CA12: variants seen among roughly 807,000 people sequenced by gnomAD.
CA12 encodes carbonic anhydrase 12, also known as carbonate dehydratase XII.
Under a neutral mutation model 46.8 loss-of-function variants are expected in CA12, and 36 were observed. The ratio of observed to expected loss-of-function variants is 0.77; its 90% CI spans 0.59 to 1.02. The LOEUF is 1.02. Ranked by LOEUF, CA12 falls within the 50% of genes least tolerant of loss-of-function variation. The probability of loss-of-function intolerance (pLI) is 0.00; values close to 1 mark genes in which losing one functional copy is unlikely to be tolerated. For missense variants in CA12, 436 were observed against 451.4 expected, an observed-to-expected ratio of 0.97 and a Z score of 0.31; for synonymous variants, 202 against 187.0, an observed-to-expected ratio of 1.08 and a Z score of -0.65.
Position 63,331,123 on chromosome 15 carries a change from T to C in CA12, c.875-2993A>G, listed in dbSNP as rs2038932881. Among the ~76,000 whole-genome samples, 1 of 152,208 alleles carries C rather than the reference T, an allele frequency of 6.6e-6. No homozygotes were observed. Among genetic ancestry groups the C allele is most frequent in the African/African-American group, 2.4e-5 (1 of 41,454 alleles). On this transcript the variant is annotated intron_variant, in intron 8 of 10. Coordinates refer to ENST00000178638, the MANE Select transcript of CA12 (RefSeq NM_001218.5). This position sits in a 1 kb window ranked among gnomAD's most constrained non-coding sequence, Gnocchi z 5.3. ...CCAATCGAGACAGCACCAACCATCA[T>C]GGAGGCTCAGCTTCTTTGCAGAAAT...
chr15:63,352,589 A>G (rs547902118), intron 2 of CA12, among the ~76,000 whole-genome samples: 1 of 152,332 alleles, frequency 6.6e-6, no homozygotes, highest in South Asian at 2.1e-4. Flanking sequence ...TGCTCACTGC[A>G]GGCAGCTTCC....
Position 63,372,883 on chromosome 15 carries a change from T to C in CA12, c.106+2775A>G, listed in dbSNP as rs887082961. 5.3e-5 allele frequency among the ~76,000 whole-genome samples: 8 copies of C among 152,230 alleles called. No homozygotes were observed. The highest frequency in any genetic ancestry group is 1.9e-4 in the African/African-American group (8 of 41,464). ...CTTGCCTTTGTGCTTACCCCATGCA[T>C]GTCCATGCATCATTAGACTCTGCCC... On this transcript the variant is annotated intron_variant, in intron 2 of 10. Coordinates refer to ENST00000178638, the MANE Select transcript of CA12 (RefSeq NM_001218.5). The surrounding 1 kb of genome is among the most constrained non-coding windows in gnomAD (Gnocchi z 4.5).
In CA12 at chr15:63,340,770, T is replaced by A. The variant is rs1188056887; in HGVS notation, c.539A>T (p.Asn180Ile). The change falls in exon 6 of 11, where the codon AAT becomes ATT. Residue 180 changes from asparagine to isoleucine, a missense_variant. Asn to Ile is a moderately radical substitution (Grantham distance 149, BLOSUM62 -3). Transcript: ENST00000178638. This position sits in a 1 kb window ranked among gnomAD's most constrained non-coding sequence, Gnocchi z 4.4. ...LAVLIEMGSF[N>I]PSYDKIFSHL... is the part of the protein sequence containing the mutation. ...ACTGAAGATCTTGTCATAGGACGGA[T>A]TGAAGGAGCCCATCTGCAACAGAGA... is the stretch of plus-strand genomic sequence containing the variant. 1.2e-6 allele frequency: 2 copies of A among 1,614,146 alleles called. No individual in the cohort carries two copies. Among genetic ancestry groups the A allele is most frequent in the Non-Finnish European group, 1.7e-6 (2 of 1,180,004 alleles).
chr15:63,360,157 C>G (rs2039343398), intron 2 of CA12, among the ~76,000 whole-genome samples: 1 of 152,182 alleles, frequency 6.6e-6, no homozygotes, highest in African/African-American at 2.4e-5. Context: ...GTTTAATACT[C>G]ACAGCAGTAG....
Position 63,381,741 on chromosome 15 carries a change from C to A in CA12, c.-21G>T. On this transcript the variant is annotated 5_prime_UTR_variant, in exon 1 of 11. Coordinates refer to ENST00000178638, the MANE Select transcript of CA12 (RefSeq NM_001218.5). ...GGCATCTTCGCGGGCTCCTGCGGGG[C>A]GGGCGCGGGCTGTGCCGGGGGCTCC... 6.5e-7 allele frequency: 1 copy of A among 1,546,616 alleles called. No individual in the cohort carries two copies. The highest frequency in any genetic ancestry group is 8.7e-7 in the Non-Finnish European group (1 of 1,143,788).
chr15:63,322,583 T>G lies in CA12; in HGVS notation c.*3702A>C, dbSNP rs1295680293. 6.6e-6 allele frequency: 1 copy of G among 152,250 alleles called. No homozygotes were observed. Among genetic ancestry groups the G allele is most frequent in the Non-Finnish European group, 1.5e-5 (1 of 68,066 alleles). 9.4% of individuals were successfully genotyped at this position (152,250 alleles called of 1,614,324 possible). On this transcript the variant is annotated 3_prime_UTR_variant, in exon 11 of 11. Coordinates refer to ENST00000178638, the MANE Select transcript of CA12 (RefSeq NM_001218.5). The surrounding 1 kb of genome is among the most constrained non-coding windows in gnomAD (Gnocchi z 4.1). ...TGAGTTCCCTCTGCCGACCTATGGC[T>G]CTCACTGCTATGCCTCCCTGATCAT...
rs1423441002 is a variant in CA12 at position 63,341,034 on chromosome 15, G to T, written c.526-251C>A. On this transcript the variant is annotated intron_variant, in intron 5 of 10. Transcript: ENST00000178638. This position sits in a 1 kb window ranked among gnomAD's most constrained non-coding sequence, Gnocchi z 5.2. ...TGAATGTCCTGGGGCATAGGGTACC[G>T]TGTGTGCTCTTGATGATCCAGATAT... 6.6e-6 allele frequency among the ~76,000 whole-genome samples: 1 copy of T among 152,298 alleles called. No homozygotes were observed. Among genetic ancestry groups the T allele is most frequent in the African/African-American group, 2.4e-5 (1 of 41,564 alleles).
At chr15:63,367,459 G>C (rs2039450381) in intron 2 of CA12, among the ~76,000 whole-genome samples, 1 of 152,170 alleles carries the variant, frequency 6.6e-6, no homozygotes, top group South Asian at 2.1e-4. Context: ...CCCTGGGAAG[G>C]CACCAGGCCC....
intron 8 of CA12, among the ~76,000 whole-genome samples, chr15:63,334,093 C>T (rs771627956): frequency 1.3e-5 from 2 of 152,114 alleles, no homozygotes; most frequent in Non-Finnish European, 2.9e-5. Flanking sequence ...GTCCCCCTGC[C>T]TCTGCCGTCT....
At chr15:63,377,802 G>A (rs1292618814) in intron 1 of CA12, among the ~76,000 whole-genome samples, 12 of 151,986 alleles carry the variant, frequency 7.9e-5, no homozygotes, top group Admixed American at 5.9e-4. Flanking sequence ...TTATGTTTAG[G>A]CATTATTTAT....
intron 2 of CA12, among the ~76,000 whole-genome samples, chr15:63,369,858 T>A (rs2039481218): frequency 6.6e-6 from 1 of 152,194 alleles, no homozygotes; most frequent in East Asian, 1.9e-4. Context: ...CTTTAGGAAC[T>A]AATGCTAGCT....
intron 2 of CA12, among the ~76,000 whole-genome samples, chr15:63,358,777 G>A (rs911483451): frequency 2.0e-5 from 3 of 152,040 alleles, no homozygotes; most frequent in Admixed American, 1.3e-4. Context: ...CTCCTCGGCC[G>A]AGCATCTTCA....
chr15:63,339,958 G>A lies in CA12; in HGVS notation c.747+330C>T, dbSNP rs1463093023. 1 of 381,200 alleles carries A rather than the reference G, an allele frequency of 2.6e-6. No homozygotes were observed. The highest frequency in any genetic ancestry group is 2.1e-5 in the African/African-American group (1 of 47,862). The allele number at this position is 381,200 out of a possible 1,614,324, so 23.6% of individuals were successfully genotyped here. On this transcript the variant is annotated intron_variant, in intron 7 of 10. Transcript: ENST00000178638. The surrounding 1 kb of genome is among the most constrained non-coding windows in gnomAD (Gnocchi z 4.3). Reference sequence around the variant, plus strand: ...CTCTTAAATGATTTCATCTGATCCTGTCTTTATTCTGCCCTGTAAAGGAAC... The same window carrying A: ...CTCTTAAATGATTTCATCTGATCCTATCTTTATTCTGCCCTGTAAAGGAAC...
At chr15:63,368,677 C>A (rs1595791307) in intron 2 of CA12, among the ~76,000 whole-genome samples, 1 of 152,218 alleles carries the variant, frequency 6.6e-6, no homozygotes, top group African/African-American at 2.4e-5. Context: ...GGCTCAAGAC[C>A]AGCAGGTAGC....
chr15:63,369,775 G>T (rs1199207256), intron 2 of CA12, among the ~76,000 whole-genome samples: 1 of 152,170 alleles, frequency 6.6e-6, no homozygotes, highest in Admixed American at 6.5e-5. Flanking sequence ...GAGGTCGCCT[G>T]GTTCTGGGGT....
In CA12 at chr15:63,321,606, G is replaced by C. The variant is rs1015231552; in HGVS notation, c.*4679C>G. The C allele has an allele frequency of 2.0e-5, 3 of 152,204 alleles. No individual in the cohort carries two copies. Among genetic ancestry groups the C allele is most frequent in the African/African-American group, 7.2e-5 (3 of 41,460 alleles). The allele number at this position is 152,204 out of a possible 1,614,324, so 9.4% of individuals were successfully genotyped here. On this transcript the variant is annotated 3_prime_UTR_variant, in exon 11 of 11. Transcript: ENST00000178638. The surrounding 1 kb of genome is among the most constrained non-coding windows in gnomAD (Gnocchi z 4.5). ...GTGTGGATGGCAGCCCGGCTGGAACGCACTGGCAGGTGGTCCCTGTGCCCC... is the reference window on the plus strand; with the variant it reads ...GTGTGGATGGCAGCCCGGCTGGAACCCACTGGCAGGTGGTCCCTGTGCCCC...
Position 63,372,719 on chromosome 15 carries a change from G to A in CA12, c.106+2939C>T, listed in dbSNP as rs978984008. Among the ~76,000 whole-genome samples, 2 of 152,196 alleles carry A rather than the reference G, an allele frequency of 1.3e-5. No homozygotes were observed. The highest frequency in any genetic ancestry group is 2.9e-5 in the Non-Finnish European group (2 of 68,028). On this transcript the variant is annotated intron_variant, in intron 2 of 10. Transcript: ENST00000178638. This position sits in a 1 kb window ranked among gnomAD's most constrained non-coding sequence, Gnocchi z 4.5. ...CCCTGAGCACAGGTGCCAGCTGCCA[G>A]CCAGGACCTAAGGAGGAGCTAGCCA...
At chr15:63,380,362 G>A (rs529273931) in intron 1 of CA12, among the ~76,000 whole-genome samples, 1 of 152,154 alleles carries the variant, frequency 6.6e-6, no homozygotes, top group Non-Finnish European at 1.5e-5. Context: ...GAGAAGGGAG[G>A]CAGAGCTGCC....
Position 63,327,934 on chromosome 15 carries a change from C to A in CA12, c.907+164G>T, listed in dbSNP as rs1419981095. On this transcript the variant is annotated intron_variant, in intron 9 of 10. Transcript: ENST00000178638. This position sits in a 1 kb window ranked among gnomAD's most constrained non-coding sequence, Gnocchi z 4.5. Reference sequence around the variant, plus strand: ...TTAGAGGAACATTTGATTGGCAGTTCATCTTTGAATCACAGAGCGACTTGA... The same window carrying A: ...TTAGAGGAACATTTGATTGGCAGTTAATCTTTGAATCACAGAGCGACTTGA... 6.6e-6 allele frequency among the ~76,000 whole-genome samples: 1 copy of A among 152,166 alleles called. No homozygotes were observed. Among genetic ancestry groups the A allele is most frequent in the Non-Finnish European group, 1.5e-5 (1 of 68,034 alleles).
Sources: allele counts gnomAD v4.1 joint callset (sites outside exome capture counted in the v4.1 genomes callset), GRCh38; gene constraint gnomAD v4.1.1; non-coding constraint Gnocchi (gnomAD v3.1); transcripts MANE v1.5; gene names NCBI Gene and HGNC (gene_info 2026-07-23, HGNC 2026-07-21).